Variants in NEURL4 observed in about 807,000 individuals in gnomAD.
NEURL4 encodes the protein neuralized-like protein 4.
Under a neutral mutation model 148.0 loss-of-function variants are expected in NEURL4, and 45 were observed. That is an observed-to-expected ratio of 0.30 (90% CI 0.24 to 0.39). The LOEUF (loss-of-function observed/expected upper bound fraction) is 0.39, where lower values mean the gene tolerates loss of function less well. Ranked by LOEUF, NEURL4 falls within the 10% of genes least tolerant of loss-of-function variation. The pLI, the probability that NEURL4 is intolerant of heterozygous loss-of-function variation, is 1.00. For synonymous variants in NEURL4, 854 were observed against 869.0 expected, an observed-to-expected ratio of 0.98 and a Z score of 0.30; for missense variants, 1,776 against 2,144.0, an observed-to-expected ratio of 0.83 and a Z score of 3.39.
Position 7,326,646 on chromosome 17 carries a change from A to G in NEURL4, c.1092+65T>C. 6.2e-7 allele frequency: 1 copy of G among 1,605,804 alleles called. No homozygotes were observed. The highest frequency in any genetic ancestry group is 1.1e-5 in the South Asian group (1 of 90,660). On this transcript the variant is annotated intron_variant, in intron 4 of 28. Coordinates refer to ENST00000399464, the MANE Select transcript of NEURL4 (RefSeq NM_032442.3). This position sits in a 1 kb window ranked among gnomAD's most constrained non-coding sequence, Gnocchi z 6.0. ...CCCAGGGCCCACCCTCCTAGCACCA[A>G]GGGTCAATCCCCATCTTTAGCTCCC... is the stretch of plus-strand genomic sequence containing the variant.
Position 7,318,199 on chromosome 17 carries a change from C to T in NEURL4, c.3953-27G>A. 3.1e-6 allele frequency: 5 copies of T among 1,612,130 alleles called. No homozygotes were observed. The highest frequency in any genetic ancestry group is 4.2e-6 in the Non-Finnish European group (5 of 1,178,184). On this transcript the variant is annotated intron_variant, in intron 24 of 28. Coordinates refer to ENST00000399464, the MANE Select transcript of NEURL4 (RefSeq NM_032442.3). The surrounding 1 kb of genome is among the most constrained non-coding windows in gnomAD (Gnocchi z 4.3). ...TGAGGGAGCAGAGGGGCACAGGTCA[C>T]AGGAGCTGGGCTAGAAGGGTGAGGG...
At position 7,327,513 on chromosome 17, in the gene NEURL4, G is replaced by T. The variant is rs1422294798; in HGVS notation, c.654C>A (p.Pro218=). The T allele has an allele frequency of 1.2e-6, 2 of 1,600,214 alleles. No homozygotes were observed. Among genetic ancestry groups the T allele is most frequent in the African/African-American group, 1.3e-5 (1 of 74,936 alleles). The change falls in exon 2 of 29, where the codon CCC becomes CCA. Residue 218 remains proline (P), a synonymous_variant. Coordinates refer to ENST00000399464, the MANE Select transcript of NEURL4 (RefSeq NM_032442.3). This position sits in a 1 kb window ranked among gnomAD's most constrained non-coding sequence, Gnocchi z 6.6. ...GGGCCAAGGGCTCGAGGGGAGGTGT[G>T]GGGATGGGAGTAGGGGGGCTGAAGC... The part of the protein sequence containing the change: ...EPGFSPPTPI[P]TPPLEPLAPT...
chr17:7,316,403 C>T, intron 28 of NEURL4, 76 bp from the exon 29 acceptor site: 2 of 1,211,206 alleles, frequency 1.7e-6, no homozygotes, highest in Non-Finnish European at 1.2e-6. Flanking sequence ...GTTCCAACCA[C>T]ACAAGCCTTG....
chr17:7,319,150 G>T lies in NEURL4; in HGVS notation c.3584C>A (p.Thr1195Asn), dbSNP rs780416411. ...WTSSLVLGVI[T>N]CAPERLNFPA... is the part of the protein sequence containing the mutation. ...GAAGTTGAGCCTCTCAGGCGCGCAG[G>T]TGATGACTCCCAGGACAAGGGAAGA... Residue 1195 changes from threonine to asparagine, a missense_variant, in exon 22 of 29, where the codon ACC (threonine) becomes AAC (asparagine). By Grantham distance (65) the Thr-to-Asn change is moderately conservative. Coordinates refer to ENST00000399464, the MANE Select transcript of NEURL4 (RefSeq NM_032442.3). 1.2e-6 allele frequency: 2 copies of T among 1,613,962 alleles called. No individual in the cohort carries two copies. The highest frequency in any genetic ancestry group is 1.3e-5 in the African/African-American group (1 of 74,882).
rs751509337 is a variant in NEURL4, at chr17:7,317,565, G to A, written c.4214C>T (p.Pro1405Leu). 6.2e-7 allele frequency: 1 copy of A among 1,614,056 alleles called. No homozygotes were observed. Among genetic ancestry groups the A allele is most frequent in the Non-Finnish European group, 8.5e-7 (1 of 1,179,938 alleles). ...GWCRFNLRVNPRLEAGTLTKK... is the reference protein window; with the variant it reads ...GWCRFNLRVNLRLEAGTLTKK... ...GGTTAGTGTCCCAGCCTCCAGGCGGGGATTCACTCTAGGAGGTGGACAAGC... is the reference window on the plus strand; with the variant it reads ...GGTTAGTGTCCCAGCCTCCAGGCGGAGATTCACTCTAGGAGGTGGACAAGC... The change falls in exon 27 of 29, where the codon CCC (proline) becomes CTC (leucine). Residue 1405 changes from proline to leucine, a missense_variant. Coordinates refer to ENST00000399464, the MANE Select transcript of NEURL4 (RefSeq NM_032442.3).
rs372129260 is a variant in NEURL4 at position 7,327,558 on chromosome 17, G to A, written c.609C>T (p.Thr203=). 1.4e-5 allele frequency: 23 copies of A among 1,610,456 alleles called. No homozygotes were observed. The Admixed American group carries it at 2.8e-4, about 20-fold the overall frequency. ...TGAAGCCTGGCTCAGGGGGTAGCAC[G>A]GTGATCTGGGTGCACTTGCCATAAA... The part of the protein sequence containing the change: ...VDLYGKCTQI[T]VLPPEPGFSP... The change falls in exon 2 of 29, where the codon ACC becomes ACT. Residue 203 remains threonine (T), a synonymous_variant. Transcript: ENST00000399464. The surrounding 1 kb of genome is among the most constrained non-coding windows in gnomAD (Gnocchi z 6.6).
In NEURL4 at chr17:7,318,218, G is replaced by A. The variant is rs779904844; in HGVS notation, c.3953-46C>T. 9.3e-6 allele frequency: 15 copies of A among 1,611,156 alleles called. No individual in the cohort carries two copies. The highest frequency in any genetic ancestry group is 1.3e-5 in the Non-Finnish European group (15 of 1,177,412). On this transcript the variant is annotated intron_variant, in intron 24 of 28. Coordinates refer to ENST00000399464, the MANE Select transcript of NEURL4 (RefSeq NM_032442.3). This position sits in a 1 kb window ranked among gnomAD's most constrained non-coding sequence, Gnocchi z 4.3. ...AGGTCACAGGAGCTGGGCTAGAAGG[G>A]TGAGGGTGGGGGAGTAGGGGCAGGA...
At position 7,322,797 on chromosome 17, in the gene NEURL4, A is replaced by T; in HGVS notation, c.2663T>A (p.Met888Lys). Reference protein sequence around the residue: ...QVSITNATGPMDNSLATSNTA... With the variant: ...QVSITNATGPKDNSLATSNTA... The stretch of plus-strand genomic sequence containing the variant: ...GTTGCTGGTCGCCAGGCTGTTGTCC[A>T]TGGGGCCGGTGGCATTGGTGATGGA... Residue 888 changes from methionine to lysine, a missense_variant, in exon 16 of 29, where the codon ATG becomes AAG. Coordinates refer to ENST00000399464, the MANE Select transcript of NEURL4 (RefSeq NM_032442.3). The surrounding 1 kb of genome is among the most constrained non-coding windows in gnomAD (Gnocchi z 5.5). The T allele has an allele frequency of 6.2e-7, 1 of 1,614,042 alleles. No homozygotes were observed. Among genetic ancestry groups the T allele is most frequent in the South Asian group, 1.1e-5 (1 of 91,084 alleles).
intron 28 of NEURL4, 46 bp from the exon 29 acceptor site, chr17:7,316,373 A>C (rs1597628289): frequency 2.0e-6 from 3 of 1,489,976 alleles, no homozygotes; most frequent in Non-Finnish European, 9.3e-7. Context: ...TCGCCCCATC[A>C]CCTCCCCCTT....
Position 7,326,400 on chromosome 17 carries a change from C to T in NEURL4, c.1204+37G>A, listed in dbSNP as rs1399419099. 2 of 1,613,604 alleles carry T rather than the reference C, an allele frequency of 1.2e-6. No homozygotes were observed. Among genetic ancestry groups the T allele is most frequent in the South Asian group, 2.2e-5 (2 of 91,066 alleles). On this transcript the variant is annotated intron_variant, in intron 5 of 28. Transcript: ENST00000399464. This position sits in a 1 kb window ranked among gnomAD's most constrained non-coding sequence, Gnocchi z 6.0. ...CGGGGCTTCCTTCCCCTCAGCAACACCAGGCCTGCACCCCCGCCCCTGCCC... is the reference window on the plus strand; with the variant it reads ...CGGGGCTTCCTTCCCCTCAGCAACATCAGGCCTGCACCCCCGCCCCTGCCC...
Position 7,317,561 on chromosome 17 carries a change from G to C in NEURL4, c.4218C>G (p.Arg1406=). ...WCRFNLRVNP[R]LEAGTLTKKW... ...TCTTGGTTAGTGTCCCAGCCTCCAG[G>C]CGGGGATTCACTCTAGGAGGTGGAC... Residue 1406 remains arginine, a synonymous_variant, in exon 27 of 29, where the codon CGC becomes CGG. Coordinates refer to ENST00000399464, the MANE Select transcript of NEURL4 (RefSeq NM_032442.3). 2 of 1,614,090 alleles carry C rather than the reference G, an allele frequency of 1.2e-6. No individual in the cohort carries two copies. The highest frequency in any genetic ancestry group is 1.7e-6 in the Non-Finnish European group (2 of 1,179,964).
chr17:7,327,638 C>A lies in NEURL4; in HGVS notation c.529G>T (p.Asp177Tyr). The A allele has an allele frequency of 7.4e-6, 12 of 1,613,450 alleles. No homozygotes were observed. The highest frequency in any genetic ancestry group is 1.0e-5 in the Non-Finnish European group (12 of 1,179,964). The change falls in exon 2 of 29, where the codon GAT becomes TAT. Residue 177 changes from aspartate to tyrosine, a missense_variant. By Grantham distance (160) the Asp-to-Tyr change is radical. Coordinates refer to ENST00000399464, the MANE Select transcript of NEURL4 (RefSeq NM_032442.3). This position sits in a 1 kb window ranked among gnomAD's most constrained non-coding sequence, Gnocchi z 6.6. The stretch of plus-strand genomic sequence containing the variant: ...AGGCCTGTGGCAGCCACACCGCAAT[C>A]CCGCCCATTCACCCAGAGCCGAAGC... ...GELRLWVNGR[D>Y]CGVAATGLPP...
At position 7,315,736 on chromosome 17, in the gene NEURL4, C is replaced by T; in HGVS notation, c.*387G>A. 4.4e-6 allele frequency: 2 copies of T among 457,820 alleles called. 1 individual carries two copies. Among genetic ancestry groups the T allele is most frequent in the South Asian group, 9.6e-5 (2 of 20,744 alleles). 28.4% of individuals were successfully genotyped at this position (457,820 alleles called of 1,614,324 possible). On this transcript the variant is annotated 3_prime_UTR_variant, in exon 29 of 29. Transcript: ENST00000399464. Reference sequence around the variant, plus strand: ...ACCCTTCCCCACTCCCGCCCGGTGGCCCCGGAAAAAGCAGCTTCATGTGGG... The same window carrying T: ...ACCCTTCCCCACTCCCGCCCGGTGGTCCCGGAAAAAGCAGCTTCATGTGGG...
chr17:7,318,090 G>T lies in NEURL4; in HGVS notation c.4035C>A (p.Arg1345=). 2 of 1,614,174 alleles carry T rather than the reference G, an allele frequency of 1.2e-6. No homozygotes were observed. Among genetic ancestry groups the T allele is most frequent in the Non-Finnish European group, 1.7e-6 (2 of 1,180,018 alleles). The change falls in exon 25 of 29, where the codon CGC becomes CGA. Residue 1345 remains arginine, a synonymous_variant. Transcript: ENST00000399464. The surrounding 1 kb of genome is among the most constrained non-coding windows in gnomAD (Gnocchi z 4.3). ...CGGGAAGCAGCAGGAGTTCTTGGAA[G>T]CGAGAGCAAAGGGCATGGTACTCGC... ...KSCEYHALCS[R]FQELLLLPED... is the part of the protein sequence containing the mutation.
At position 7,327,178 on chromosome 17, in the gene NEURL4, A is replaced by G. The variant is rs779606333; in HGVS notation, c.780T>C (p.Leu260=). The change falls in exon 3 of 29, where the codon CTT becomes CTC. Residue 260 remains leucine, a synonymous_variant. Transcript: ENST00000399464. This position sits in a 1 kb window ranked among gnomAD's most constrained non-coding sequence, Gnocchi z 6.6. Reference sequence around the variant, plus strand: ...CAAAGCCCTCACCATTATGCGACTCAAGGCTGTTAGGAAACGTCTCCGGCC... The same window carrying G: ...CAAAGCCCTCACCATTATGCGACTCGAGGCTGTTAGGAAACGTCTCCGGCC... ...QARPETFPNS[L]ESHNDFANME... 10 of 1,612,368 alleles carry G rather than the reference A, an allele frequency of 6.2e-6. No individual in the cohort carries two copies. In the Admixed American group the frequency reaches 1.5e-4, roughly 24 times the overall value.
chr17:7,324,817 T>C lies in NEURL4; in HGVS notation c.1795A>G (p.Met599Val). The change falls in exon 9 of 29, where the codon ATG becomes GTG. Residue 599 changes from methionine (M) to valine (V), a missense_variant. By Grantham distance (21) the Met-to-Val change is conservative. Transcript: ENST00000399464. This position sits in a 1 kb window ranked among gnomAD's most constrained non-coding sequence, Gnocchi z 5.9. ...NPAYLQLPST[M>V]TNLRSGTWMM... Reference sequence around the variant, plus strand: ...AGCTCACCAGAGCGCAAGTTGGTCATGGTGGAGGGCAACTGGAGGTAGGCA... The same window carrying C: ...AGCTCACCAGAGCGCAAGTTGGTCACGGTGGAGGGCAACTGGAGGTAGGCA... The C allele has an allele frequency of 6.2e-7, 1 of 1,614,184 alleles. No individual in the cohort carries two copies. Among genetic ancestry groups the C allele is most frequent in the Non-Finnish European group, 8.5e-7 (1 of 1,180,024 alleles).
In NEURL4 at chr17:7,315,874, G is replaced by A; in HGVS notation, c.*249C>T. The stretch of plus-strand genomic sequence containing the variant: ...AGTCATGTTCCCCAAATCAGTGCAT[G>A]AAGAGGGGTACCAGGGCCTGGAGCT... On this transcript the variant is annotated 3_prime_UTR_variant, in exon 29 of 29. Coordinates refer to ENST00000399464, the MANE Select transcript of NEURL4 (RefSeq NM_032442.3). The A allele has an allele frequency of 1.7e-6, 1 of 588,648 alleles. No individual in the cohort carries two copies. The highest frequency in any genetic ancestry group is 3.1e-5 in the Admixed American group (1 of 32,712). 36.5% of individuals were successfully genotyped at this position (588,648 alleles called of 1,614,324 possible).
intron 1 of NEURL4, among the ~76,000 whole-genome samples, chr17:7,328,203 C>T (rs2073127784): frequency 6.6e-6 from 1 of 152,166 alleles, no homozygotes; most frequent in African/African-American, 2.4e-5. Flanking sequence ...CTTCCTATAC[C>T]CACACCTCTT....
rs2143013344 is a variant in NEURL4 at position 7,326,190 on chromosome 17, G to A, written c.1293+65C>T. The A allele has an allele frequency of 6.8e-7, 1 of 1,476,614 alleles. No individual in the cohort carries two copies. Among genetic ancestry groups the A allele is most frequent in the South Asian group, 1.2e-5 (1 of 85,650 alleles). The allele number at this position is 1,476,614 out of a possible 1,614,324, so 91.5% of individuals were successfully genotyped here. Reference sequence around the variant, plus strand: ...CATAGGAGACCCTGCTTGGTGCCCTGGCAGGGACACAGAGTACCTGTGGCT... The same window carrying A: ...CATAGGAGACCCTGCTTGGTGCCCTAGCAGGGACACAGAGTACCTGTGGCT... On this transcript the variant is annotated intron_variant, in intron 6 of 28. Transcript: ENST00000399464. The surrounding 1 kb of genome is among the most constrained non-coding windows in gnomAD (Gnocchi z 6.0).
Sources: allele counts gnomAD v4.1 joint callset (sites outside exome capture counted in the v4.1 genomes callset), GRCh38; gene constraint gnomAD v4.1.1; non-coding constraint Gnocchi (gnomAD v3.1); transcripts MANE v1.5; gene names NCBI Gene and HGNC (gene_info 2026-07-23, HGNC 2026-07-21).